Variants in DNHD1 observed in about 807,000 individuals in gnomAD.
The protein encoded by DNHD1 is dynein heavy chain domain-containing protein 1.
A neutral mutation model predicts 458.1 loss-of-function variants in DNHD1; 383 were observed. The ratio of observed to expected loss-of-function variants is 0.84; its 90% CI spans 0.77 to 0.91. DNHD1 has a LOEUF of 0.91. DNHD1 is among the 40% of genes least tolerant of loss of function. The pLI is 0.00. For synonymous variants in DNHD1, 2,203 were observed against 2,376.9 expected (o/e 0.93, Z 2.13); for missense variants, 5,336 against 5,866.1 (o/e 0.91, Z 2.95).
chr11:6,571,447 C>T lies in DNHD1; in HGVS notation c.13911+24C>T. 2 of 1,550,052 alleles carry T rather than the reference C, an allele frequency of 1.3e-6. No homozygotes were observed. Among genetic ancestry groups the T allele is most frequent in the Non-Finnish European group, 1.7e-6 (2 of 1,143,814 alleles). On this transcript the variant is annotated intron_variant, in intron 42 of 42. Transcript: ENST00000254579. This position sits in a 1 kb window ranked among gnomAD's most constrained non-coding sequence, Gnocchi z 5.0. ...GGGTATCTTCGCGCCGCCCCTCGTTCGCGGTTCCAGTCCCCTCGAAGTCTC... is the reference window on the plus strand; with the variant it reads ...GGGTATCTTCGCGCCGCCCCTCGTTTGCGGTTCCAGTCCCCTCGAAGTCTC...
intron 10 of DNHD1, among the ~76,000 whole-genome samples, chr11:6,523,917 G>C (rs1852655168): frequency 6.6e-6 from 1 of 152,154 alleles, no homozygotes; most frequent in Non-Finnish European, 1.5e-5. Flanking sequence ...GATCTCAGGA[G>C]TTTGAGGCTG....
chr11:6,520,298 G>A lies in DNHD1; in HGVS notation c.1837+9G>A, dbSNP rs759464478. The A allele has an allele frequency of 2.6e-6, 4 of 1,551,718 alleles. No individual in the cohort carries two copies. The highest frequency in any genetic ancestry group is 2.4e-5 in the South Asian group (2 of 84,070). ...TTCCCTGTATTCTGAAGGTATTTAG[G>A]GAGACCTAGGCAGGGGGTAGGAAGG... On this transcript the variant is annotated intron_variant, in intron 10 of 42. Coordinates refer to ENST00000254579, the MANE Select transcript of DNHD1 (RefSeq NM_144666.3).
intron 39 of DNHD1, 83 bp from the exon 40 acceptor site, chr11:6,569,926 G>A (rs950959280): frequency 3.8e-5 from 45 of 1,172,992 alleles, no homozygotes; most frequent in African/African-American, 4.5e-5. Context: ...GCTCAGGAGA[G>A]AGGTTTGAAC....
In DNHD1 at chr11:6,498,613, C is replaced by G. The variant is rs1183181508; in HGVS notation, c.398C>G (p.Ala133Gly). The G allele has an allele frequency of 8.1e-6, 13 of 1,614,224 alleles. 1 individual carries two copies. Among genetic ancestry groups the G allele is most frequent in the Middle Eastern group, 1.6e-4 (1 of 6,062 alleles). The change falls in exon 3 of 43, where the codon GCC becomes GGC. Residue 133 changes from alanine to glycine, a missense_variant. By Grantham distance (60) the Ala-to-Gly change is moderately conservative. Coordinates refer to ENST00000254579, the MANE Select transcript of DNHD1 (RefSeq NM_144666.3). Reference sequence around the variant, plus strand: ...GACCTGCTAGGTGCCATTGTCCAGGCCTTTCCTCCAGACAGCTCTTTGTTA... The same window carrying G: ...GACCTGCTAGGTGCCATTGTCCAGGGCTTTCCTCCAGACAGCTCTTTGTTA... ...HLDLLGAIVQ[A>G]FPPDSSLLDS...
intron 12 of DNHD1, among the ~76,000 whole-genome samples, chr11:6,531,125 TC>T (rs1456816000): frequency 1.3e-5 from 2 of 152,208 alleles, no homozygotes; most frequent in Non-Finnish European, 2.9e-5. Context: ...AATATTTTTT[TC>T]ATTTCACCTT....
chr11:6,508,479 C>T (rs1852270345), intron 4 of DNHD1: 1 of 168,096 alleles, frequency 5.9e-6, no homozygotes, highest in Admixed American at 5.7e-5. Flanking sequence ...GGATTTTTCA[C>T]ATTTCATCAT....
At chr11:6,531,080 C>T (rs779631574) in intron 12 of DNHD1, among the ~76,000 whole-genome samples, 3 of 152,184 alleles carry the variant, frequency 2.0e-5, no homozygotes, top group Non-Finnish European at 4.4e-5. Flanking sequence ...ATTTGCAATA[C>T]TCTTAGCATT....
chr11:6,542,304 T>C (rs1412963679), intron 18 of DNHD1, among the ~76,000 whole-genome samples: 1 of 152,230 alleles, frequency 6.6e-6, no homozygotes, highest in Non-Finnish European at 1.5e-5. Context: ...CTACCACTTT[T>C]CTGCCTCATC....
rs1421305662 is a variant in DNHD1, at chr11:6,548,734, C to T, written c.7188C>T (p.Ala2396=). ...LAGEAATGKS[A]FVEVLVEPHH... is the part of the protein sequence containing the mutation. ...GAGAGGCAGCAACAGGGAAGTCAGC[C>T]TTTGTGGAGGTGCTGGTAGAGCCAC... Residue 2396 remains alanine (A), a synonymous_variant, in exon 24 of 43, where the codon GCC becomes GCT. Coordinates refer to ENST00000254579, the MANE Select transcript of DNHD1 (RefSeq NM_144666.3). The surrounding 1 kb of genome is among the most constrained non-coding windows in gnomAD (Gnocchi z 4.4). 2.6e-6 allele frequency: 4 copies of T among 1,551,660 alleles called. No individual in the cohort carries two copies. Among genetic ancestry groups the T allele is most frequent in the Non-Finnish European group, 3.5e-6 (4 of 1,146,986 alleles).
intron 28 of DNHD1, 80 bp downstream of exon 28, chr11:6,559,363 G>T: frequency 1.7e-6 from 2 of 1,202,020 alleles, no homozygotes; most frequent in South Asian, 1.5e-5. Flanking sequence ...CAACCAGAAT[G>T]AACCTTAATT....
chr11:6,503,370 T>G (rs1852175125), intron 4 of DNHD1: 1 of 153,762 alleles, frequency 6.5e-6, no homozygotes, highest in Admixed American at 6.5e-5. Context: ...AACTTCTACC[T>G]CCTGGCTCTA....
chr11:6,509,012 C>G lies in DNHD1; in HGVS notation c.1053C>G (p.His351Gln), dbSNP rs200198471. ...ETMTLGTWHH[H>Q]CVLWQQLQFI... The stretch of plus-strand genomic sequence containing the variant: ...TGACACTGGGTACCTGGCACCATCA[C>G]TGTGTTCTCTGGCAGCAGCTCCAGT... Residue 351 changes from histidine (H) to glutamine (Q), a missense_variant, in exon 5 of 43, where the codon CAC becomes CAG. Physicochemically the swap from His to Gln is conservative, Grantham distance 24 (BLOSUM62 0). This residue lies in a region of DNHD1 where 3,932 missense variants were observed against 4,365.6 expected (regional missense o/e 0.90). Coordinates refer to ENST00000254579, the MANE Select transcript of DNHD1 (RefSeq NM_144666.3). The G allele has an allele frequency of 2.5e-5, 41 of 1,614,250 alleles. No individual in the cohort carries two copies. The East Asian group carries it at 6.2e-4, about 25-fold the overall frequency.
intron 28 of DNHD1, among the ~76,000 whole-genome samples, chr11:6,561,455 G>C (rs745562202): frequency 6.6e-6 from 1 of 152,096 alleles, no homozygotes; most frequent in Admixed American, 6.5e-5. Flanking sequence ...AAAAAAATAG[G>C]TTAGATTGCT....
At chr11:6,564,861 G>A in intron 32 of DNHD1, 57 bp downstream of exon 32, 1 of 1,352,594 alleles carries the variant, frequency 7.4e-7, no homozygotes, top group Non-Finnish European at 9.9e-7. Context: ...CCAACACTCA[G>A]CCTCATGTGG....
chr11:6,557,486 G>A lies in DNHD1; in HGVS notation c.8191G>A (p.Glu2731Lys). Reference protein sequence around the residue: ...SNSNSETEEEEEPYGLQVARV... With the variant: ...SNSNSETEEEKEPYGLQVARV... ...CAGCAATAGTGAAACAGAGGAGGAAGAGGAACCTTATGGCCTTCAGGTCGC... is the reference window on the plus strand; with the variant it reads ...CAGCAATAGTGAAACAGAGGAGGAAAAGGAACCTTATGGCCTTCAGGTCGC... The change falls in exon 25 of 43, where the codon GAG (glutamate) becomes AAG (lysine). Residue 2731 changes from glutamate to lysine, a missense_variant. Physicochemically the swap from Glu to Lys is moderately conservative, Grantham distance 56. This residue lies in a region of DNHD1 where 3,932 missense variants were observed against 4,365.6 expected (regional missense o/e 0.90). Coordinates refer to ENST00000254579, the MANE Select transcript of DNHD1 (RefSeq NM_144666.3). 1.3e-6 allele frequency: 2 copies of A among 1,551,764 alleles called. No homozygotes were observed. Among genetic ancestry groups the A allele is most frequent in the Non-Finnish European group, 1.7e-6 (2 of 1,147,026 alleles).
At chr11:6,538,858 T>G in intron 16 of DNHD1, 48 bp downstream of exon 16, 1 of 1,436,850 alleles carries the variant, frequency 7.0e-7, no homozygotes, top group Non-Finnish European at 9.2e-7. Context: ...ATATGTGAGG[T>G]TAGAGCGATG....
chr11:6,521,928 G>C (rs1156904201), intron 10 of DNHD1, among the ~76,000 whole-genome samples: 1 of 152,090 alleles, frequency 6.6e-6, no homozygotes, highest in Non-Finnish European at 1.5e-5. Context: ...TGTTGCCGAG[G>C]CTGGTCGTGA....
chr11:6,529,262 T>G, intron 12 of DNHD1, 141 bp downstream of exon 12: 1 of 901,892 alleles, frequency 1.1e-6, no homozygotes, highest in Non-Finnish European at 1.6e-6. Flanking sequence ...AAGCCCGAGG[T>G]CCCAGGCCCT....
chr11:6,529,071 CA>C lies in DNHD1; in HGVS notation c.2301del (p.Gly768AlafsTer19), dbSNP rs1424365656. The C allele has an allele frequency of 5.4e-5, 84 of 1,550,628 alleles. No individual in the cohort carries two copies. Among genetic ancestry groups the C allele is most frequent in the Non-Finnish European group, 7.1e-5 (81 of 1,146,962 alleles). On this transcript the variant is annotated frameshift_variant, in exon 12 of 43. Coordinates refer to ENST00000254579, the MANE Select transcript of DNHD1 (RefSeq NM_144666.3). LOFTEE classifies it high-confidence loss of function. ...TCCAGTATGCCTATCGAGTTGCTCA[CA>C]AAAGGCGGGTTGCTGCTACTTAGCT... ...RVSSMPIELL[T>X]KGGLLLLSCH... is the part of the protein sequence containing the mutation.
Sources: allele counts gnomAD v4.1 joint callset (sites outside exome capture counted in the v4.1 genomes callset), GRCh38; gene constraint gnomAD v4.1.1; regional missense constraint gnomAD v4.1.1; non-coding constraint Gnocchi (gnomAD v3.1); transcripts MANE v1.5; gene names NCBI Gene and HGNC (gene_info 2026-07-23, HGNC 2026-07-21).